NT5DC1: variants seen among roughly 807,000 people sequenced by gnomAD.
NT5DC1 encodes 5'-nucleotidase domain containing 1, also known as 5'-nucleotidase domain-containing protein 1.
In NT5DC1, 42 loss-of-function variants were observed where a neutral mutation model predicts 59.4. The observed-to-expected ratio is 0.71, with a 90% CI of 0.55 to 0.92. NT5DC1 has a LOEUF of 0.92. Ranked by LOEUF, NT5DC1 falls within the 40% of genes least tolerant of loss-of-function variation. The probability of loss-of-function intolerance (pLI) is 0.00; values close to 1 mark genes in which losing one functional copy is unlikely to be tolerated. For synonymous variants in NT5DC1, 172 were observed against 188.1 expected (o/e 0.91, Z 0.70); for missense variants, 501 against 537.1 (o/e 0.93, Z 0.66).
chr6:116,170,362 A>T (rs1780578014), intron 6 of NT5DC1, among the ~76,000 whole-genome samples: 1 of 152,152 alleles, frequency 6.6e-6, no homozygotes, highest in Non-Finnish European at 1.5e-5. Context: ...GTTAAACTGA[A>T]TTCGAAGTCT....
At chr6:116,133,195 A>G (rs1338803934) in intron 6 of NT5DC1, among the ~76,000 whole-genome samples, 1 of 152,182 alleles carries the variant, frequency 6.6e-6, no homozygotes, top group African/African-American at 2.4e-5. Flanking sequence ...CAGCTGAGTT[A>G]AAAATATAGA....
chr6:116,155,912 TG>T (rs992403704), intron 6 of NT5DC1, among the ~76,000 whole-genome samples: 9 of 152,152 alleles, frequency 5.9e-5, no homozygotes, highest in African/African-American at 2.2e-4. Flanking sequence ...AAAAAAACAA[TG>T]GGAGAATTTA....
At chr6:116,102,471 T>C (rs768567722) in intron 1 of NT5DC1, among the ~76,000 whole-genome samples, 20 of 152,242 alleles carry the variant, frequency 1.3e-4, no homozygotes, top group Non-Finnish European at 1.6e-4. Flanking sequence ...ATGTTTTCCT[T>C]CCCTCTGTGT....
At chr6:116,215,929 A>G (rs1029448071) in intron 6 of NT5DC1, among the ~76,000 whole-genome samples, 3 of 152,144 alleles carry the variant, frequency 2.0e-5, no homozygotes, top group Admixed American at 1.3e-4. Flanking sequence ...CTTTGGAGAG[A>G]TAAAGGAGTC....
At chr6:116,182,222 A>AGAGAGTGTGTGTGTGTGT (rs148509481) in intron 6 of NT5DC1, among the ~76,000 whole-genome samples, 1 of 124,606 alleles carries the variant, frequency 8.0e-6, no homozygotes, top group Non-Finnish European at 1.7e-5. Flanking sequence ...TTCCATGGAG[A>AGAGAGTGTGTGTGTGTGT]GTGTGTGTGT....
intron 6 of NT5DC1, among the ~76,000 whole-genome samples, chr6:116,142,219 C>T (rs1394832401): frequency 2.0e-5 from 3 of 151,536 alleles, no homozygotes; most frequent in Non-Finnish European, 2.9e-5. Flanking sequence ...GTTGTGGGAC[C>T]AAATTTAGTA....
At chr6:116,127,428 T>C (rs1249012911) in intron 6 of NT5DC1, among the ~76,000 whole-genome samples, 2 of 152,172 alleles carry the variant, frequency 1.3e-5, no homozygotes, top group African/African-American at 2.4e-5. Context: ...CTCTGTATAA[T>C]ACTCATAGAT....
At chr6:116,151,104 G>A (rs1433538135) in intron 6 of NT5DC1, among the ~76,000 whole-genome samples, 1 of 152,116 alleles carries the variant, frequency 6.6e-6, no homozygotes, top group African/African-American at 2.4e-5. Context: ...ATTAGAATTT[G>A]CAGCTCCTAA....
chr6:116,197,095 C>T (rs1781245639), intron 6 of NT5DC1, among the ~76,000 whole-genome samples: 1 of 151,882 alleles, frequency 6.6e-6, no homozygotes, highest in Non-Finnish European at 1.5e-5. Flanking sequence ...GCAGGATCTC[C>T]TGTCCACCCC....
At chr6:116,131,484 G>A (rs1779462909) in intron 6 of NT5DC1, among the ~76,000 whole-genome samples, 1 of 152,046 alleles carries the variant, frequency 6.6e-6, no homozygotes, top group African/African-American at 2.4e-5. Context: ...AGTTTTTCTT[G>A]ACCTGAACTG....
At chr6:116,122,064 C>T (rs1012108376) in intron 6 of NT5DC1, 1 of 997,340 alleles carries the variant, frequency 1.0e-6, no homozygotes, top group African/African-American at 1.6e-5. Context: ...GATATTTCAG[C>T]ATCATTTATT....
chr6:116,227,793 A>AT (rs1462028652), intron 8 of NT5DC1, among the ~76,000 whole-genome samples: 10 of 151,918 alleles, frequency 6.6e-5, no homozygotes, highest in African/African-American at 1.9e-4. Context: ...TCCTTTGCTC[A>AT]TTTTTTTAAT....
At chr6:116,190,802 G>T (rs1435456512) in intron 6 of NT5DC1, among the ~76,000 whole-genome samples, 4 of 151,990 alleles carry the variant, frequency 2.6e-5, no homozygotes, top group African/African-American at 9.7e-5. Context: ...CAAGTGACAG[G>T]TCTGCTGGAT....
intron 8 of NT5DC1, among the ~76,000 whole-genome samples, chr6:116,232,089 C>T (rs1782029574): frequency 6.6e-6 from 1 of 152,076 alleles, no homozygotes; most frequent in Non-Finnish European, 1.5e-5. Context: ...TGGTTGTTTT[C>T]TGCCTGTGTC....
chr6:116,178,102 CGTGCGTGCGT>C (rs1376946914), intron 6 of NT5DC1, among the ~76,000 whole-genome samples: 1 of 94,472 alleles, frequency 1.1e-5, no homozygotes, highest in Non-Finnish European at 2.1e-5. Context: ...CGCGCGCGCG[CGTGCGTGCGT>C]GTGTGTGTGT....
chr6:116,231,395 A>G (rs138900549), intron 8 of NT5DC1, among the ~76,000 whole-genome samples: 1,874 of 152,326 alleles, frequency 0.012, 16 homozygotes, highest in South Asian at 0.026. Context: ...AAATTTACAT[A>G]TATACAGAAA....
At chr6:116,121,252 T>A (rs377607071) in intron 6 of NT5DC1, 1 of 1,613,828 alleles carries the variant, frequency 6.2e-7, no homozygotes, top group Non-Finnish European at 8.5e-7. Context: ...GCCCAGCTAT[T>A]CCTGGAGCCC....
chr6:116,147,971 C>A (rs1196605222), intron 6 of NT5DC1, among the ~76,000 whole-genome samples: 1 of 148,538 alleles, frequency 6.7e-6, no homozygotes, highest in Non-Finnish European at 1.5e-5. Flanking sequence ...GGCGACAGAG[C>A]GAGACTCTGT....
intron 6 of NT5DC1, among the ~76,000 whole-genome samples, chr6:116,146,437 CTG>C (rs1779899157): frequency 6.6e-6 from 1 of 152,118 alleles, no homozygotes; most frequent in Non-Finnish European, 1.5e-5. Flanking sequence ...AAGTAAATAA[CTG>C]GAGTTGCTTT....
Sources: allele counts gnomAD v4.1 joint callset (sites outside exome capture counted in the v4.1 genomes callset), GRCh38; gene constraint gnomAD v4.1.1; transcripts MANE v1.5; gene names NCBI Gene and HGNC (gene_info 2026-07-23, HGNC 2026-07-21).